NELL1: variants seen among roughly 807,000 people sequenced by gnomAD.
The protein encoded by NELL1 is protein kinase C-binding protein NELL1.
Under a neutral mutation model 107.4 loss-of-function variants are expected in NELL1, and 76 were observed. The ratio of observed to expected loss-of-function variants is 0.71; its 90% CI spans 0.59 to 0.86. The LOEUF is 0.86. Ranked by LOEUF, NELL1 falls within the 40% of genes least tolerant of loss-of-function variation. NELL1 has a pLI of 0.00. For missense variants in NELL1, 1,024 were observed against 1,005.5 expected, an observed-to-expected ratio of 1.02 and a Z score of -0.25; for synonymous variants, 353 against 341.2, an observed-to-expected ratio of 1.03 and a Z score of -0.38.
At chr11:21,004,090 T>C (rs1193223437) in intron 12 of NELL1, among the ~76,000 whole-genome samples, 2 of 152,124 alleles carry the variant, frequency 1.3e-5, no homozygotes, top group Admixed American at 6.5e-5. Context: ...GCAGAATAGA[T>C]TGTTGTCCCA....
At chr11:21,561,645 G>A (rs758295788) in intron 17 of NELL1, among the ~76,000 whole-genome samples, 1 of 152,010 alleles carries the variant, frequency 6.6e-6, no homozygotes, top group East Asian at 1.9e-4. Context: ...CTTGTCAGAT[G>A]TCTTGTAACA....
intron 13 of NELL1, among the ~76,000 whole-genome samples, chr11:21,186,957 G>T (rs1192308000): frequency 2.6e-5 from 4 of 151,738 alleles, no homozygotes; most frequent in African/African-American, 9.7e-5. Flanking sequence ...TGTGACTTTG[G>T]ACAAGTCACT....
At chr11:21,544,786 T>G in intron 16 of NELL1, among the ~76,000 whole-genome samples, 1 of 151,912 alleles carries the variant, frequency 6.6e-6, no homozygotes, top group East Asian at 1.9e-4. Flanking sequence ...TAAAACACAC[T>G]AATTGAAAAC....
chr11:20,805,362 T>G (rs1857360488), intron 3 of NELL1, among the ~76,000 whole-genome samples: 1 of 152,210 alleles, frequency 6.6e-6, no homozygotes, highest in South Asian at 2.1e-4. Context: ...CTAGTTGTTT[T>G]GTGCTATTCT....
intron 12 of NELL1, among the ~76,000 whole-genome samples, chr11:21,092,954 C>A (rs368452721): frequency 4.6e-5 from 7 of 151,668 alleles, no homozygotes; most frequent in Admixed American, 3.9e-4. Context: ...GGTGGTCTGG[C>A]GGGATCAGAG....
At chr11:21,574,875 C>T in intron 19 of NELL1, 97 bp from the exon 20 acceptor site, 3 of 986,556 alleles carry the variant, frequency 3.0e-6, no homozygotes, top group South Asian at 1.5e-5. Flanking sequence ...TGAAGTTTGT[C>T]TCAAAATGCT....
intron 15 of NELL1, among the ~76,000 whole-genome samples, chr11:21,391,362 G>C (rs1851874891): frequency 6.6e-6 from 1 of 151,608 alleles, no homozygotes; most frequent in African/African-American, 2.4e-5. Context: ...GTGGGCTGGA[G>C]ACTTTGAAAA....
intron 16 of NELL1, among the ~76,000 whole-genome samples, chr11:21,536,904 T>TAACA (rs1233166301): frequency 6.6e-6 from 1 of 152,136 alleles, no homozygotes; most frequent in Non-Finnish European, 1.5e-5. Flanking sequence ...CATTTCTCTC[T>TAACA]AACATGCTGA....
intron 14 of NELL1, among the ~76,000 whole-genome samples, chr11:21,317,940 A>G (rs1849917221): frequency 6.6e-6 from 1 of 152,164 alleles, no homozygotes; most frequent in Non-Finnish European, 1.5e-5. Flanking sequence ...ATCTTGAAAG[A>G]AAAATCCTAT....
At chr11:21,452,282 G>A (rs1296352335) in intron 15 of NELL1, among the ~76,000 whole-genome samples, 2 of 152,098 alleles carry the variant, frequency 1.3e-5, no homozygotes, top group Non-Finnish European at 2.9e-5. Flanking sequence ...ACTGTCTGGT[G>A]TCTAATGTCT....
At chr11:21,180,665 T>C (rs1856807955) in intron 13 of NELL1, among the ~76,000 whole-genome samples, 1 of 151,744 alleles carries the variant, frequency 6.6e-6, no homozygotes, top group Admixed American at 6.6e-5. Context: ...GTACTTTCTC[T>C]ACATTTTATC....
chr11:21,503,813 C>T (rs576520170), intron 15 of NELL1, among the ~76,000 whole-genome samples: 1 of 151,958 alleles, frequency 6.6e-6, no homozygotes, highest in Non-Finnish European at 1.5e-5. Flanking sequence ...CTTGCCTAGC[C>T]TAGTCCCTAA....
chr11:20,935,946 G>GAATA (rs1850715661), intron 9 of NELL1, among the ~76,000 whole-genome samples: 2 of 152,248 alleles, frequency 1.3e-5, no homozygotes, highest in Middle Eastern at 3.4e-3. Flanking sequence ...ACTGAGAGGA[G>GAATA]AATACAGGAG....
chr11:21,035,006 GA>G (rs1853053423), intron 12 of NELL1, among the ~76,000 whole-genome samples: 1 of 151,948 alleles, frequency 6.6e-6, no homozygotes, highest in African/African-American at 2.4e-5. Context: ...TAATAAAGAA[GA>G]AAAGAGAGAA....
At chr11:21,053,486 CA>C (rs1228897276) in intron 12 of NELL1, among the ~76,000 whole-genome samples, 1 of 152,138 alleles carries the variant, frequency 6.6e-6, no homozygotes, top group African/African-American at 2.4e-5. Flanking sequence ...TGCACTCTTA[CA>C]GCTTTGAGCT....
intron 4 of NELL1, among the ~76,000 whole-genome samples, chr11:20,850,461 A>G (rs1040618828): frequency 6.6e-6 from 1 of 152,196 alleles, no homozygotes; most frequent in Non-Finnish European, 1.5e-5. Context: ...AACTTATTCC[A>G]TACTCATTCT....
chr11:21,052,117 A>G (rs2134348908), intron 12 of NELL1, among the ~76,000 whole-genome samples: 1 of 152,114 alleles, frequency 6.6e-6, no homozygotes, highest in East Asian at 2.0e-4. Context: ...AGGGTGTTTC[A>G]GGCTGAAGAA....
chr11:21,248,803 A>G (rs1858563089), intron 14 of NELL1, among the ~76,000 whole-genome samples: 1 of 152,200 alleles, frequency 6.6e-6, no homozygotes. Flanking sequence ...CCTGGCCACA[A>G]GGACTGGTTC....
At chr11:20,850,816 T>C (rs1848782098) in intron 4 of NELL1, among the ~76,000 whole-genome samples, 1 of 152,222 alleles carries the variant, frequency 6.6e-6, no homozygotes, top group Admixed American at 6.5e-5. Context: ...ATTGAGCCTC[T>C]ACTATAGGCC....
Sources: allele counts gnomAD v4.1 joint callset (sites outside exome capture counted in the v4.1 genomes callset), GRCh38; gene constraint gnomAD v4.1.1; transcripts MANE v1.5; gene names NCBI Gene and HGNC (gene_info 2026-07-23, HGNC 2026-07-21).